VWDE: variants seen among roughly 807,000 people sequenced by gnomAD.
The protein encoded by VWDE is von Willebrand factor D and EGF domains.
In VWDE, 207 loss-of-function variants were observed where a neutral mutation model predicts 178.4. The ratio of observed to expected loss-of-function variants is 1.16; its 90% confidence interval spans 1.04 to 1.30. The LOEUF is 1.30. Ranked by LOEUF, VWDE falls within the 50% of genes most tolerant of loss-of-function variation. The probability of loss-of-function intolerance (pLI) is 0.00; values close to 1 mark genes in which losing one functional copy is unlikely to be tolerated. For missense variants in VWDE, 2,287 were observed against 1,901.3 expected (o/e 1.20, Z -3.77); for synonymous variants, 738 against 651.4 (o/e 1.13, Z -2.02).
Position 12,393,611 on chromosome 7 carries a change from G to GC in VWDE, c.225dup (p.Pro76AlafsTer6). The GC allele has an allele frequency of 6.5e-7, 1 of 1,548,370 alleles. No homozygotes were observed. The highest frequency in any genetic ancestry group is 8.7e-7 in the Non-Finnish European group (1 of 1,145,406). The stretch of plus-strand genomic sequence containing the variant: ...TGACATACCTCAACACATTTGGTTG[G>GC]CATCTCGGCAGGTCTGTCAAGGATG... On this transcript the variant is annotated frameshift_variant, in exon 2 of 29. Transcript: ENST00000275358. LOFTEE classifies it high-confidence loss of function.
rs561323610 is a variant in VWDE at position 12,371,928 on chromosome 7, A to AT, written c.1587+1048dup. 5.3e-5 allele frequency among the ~76,000 whole-genome samples: 8 copies of AT among 151,276 alleles called. No individual in the cohort carries two copies. The South Asian group carries it at 8.3e-4, about 16-fold the overall frequency. ...ACTGGGGGTATGCACATCCTTAACT[A>AT]TTTTTTTTTACAATAAATTTCCAGA... On this transcript the variant is annotated intron_variant, in intron 10 of 28. Transcript: ENST00000275358.
Position 12,337,326 on chromosome 7 carries a change from A to T in VWDE, c.4367-54T>A, listed in dbSNP as rs1781099504. On this transcript the variant is annotated intron_variant, in intron 24 of 28. Coordinates refer to ENST00000275358, the MANE Select transcript of VWDE (RefSeq NM_001135924.3). The stretch of plus-strand genomic sequence containing the variant: ...AATATTACACATCCCATTACTACAT[A>T]TGATACATTGCATCATGTGCTTGTC... The T allele has an allele frequency of 2.9e-6, 4 of 1,382,606 alleles. No individual in the cohort carries two copies. The East Asian group carries it at 1.0e-4, about 34-fold the overall frequency. 85.6% of individuals were successfully genotyped at this position (1,382,606 alleles called of 1,614,324 possible).
At chr7:12,364,095 A>G (rs77355601) in intron 13 of VWDE, among the ~76,000 whole-genome samples, 17,289 of 152,076 alleles carry the variant, frequency 0.11, 1,290 homozygotes, top group East Asian at 0.3. Context: ...TAAAGAAAAG[A>G]GTTACAAATA....
intron 21 of VWDE, among the ~76,000 whole-genome samples, 183 bp from the exon 22 acceptor site, chr7:12,343,361 A>C (rs980428367): frequency 6.6e-6 from 1 of 152,198 alleles, no homozygotes; most frequent in East Asian, 1.9e-4. Flanking sequence ...AAACACTTAC[A>C]AATCAACAGC....
rs1415420934 is a variant in VWDE, at chr7:12,370,058, A to C, written c.2248T>G (p.Trp750Gly). The C allele has an allele frequency of 3.9e-6, 6 of 1,551,522 alleles. No individual in the cohort carries two copies. Among genetic ancestry groups the C allele is most frequent in the Non-Finnish European group, 5.2e-6 (6 of 1,146,892 alleles). ...QEMRYNRQNR[W>G]KRQNFHEFPP... ...AACTCATGAAAGTTCTGCCGTTTCC[A>C]TCTGTTTTGTCGATTGTACCTCATT... Residue 750 changes from tryptophan (W) to glycine (G), a missense_variant, in exon 12 of 29, where the codon TGG becomes GGG. Trp to Gly is a radical substitution (Grantham distance 184). Transcript: ENST00000275358.
chr7:12,368,653 G>A (rs1417880784), intron 12 of VWDE, among the ~76,000 whole-genome samples: 3 of 152,150 alleles, frequency 2.0e-5, no homozygotes, highest in African/African-American at 7.2e-5. Context: ...TACTCTGAAG[G>A]AGATGGAGAG....
At chr7:12,356,752 A>G (rs879296867) in intron 17 of VWDE, among the ~76,000 whole-genome samples, 3 of 152,234 alleles carry the variant, frequency 2.0e-5, no homozygotes, top group Admixed American at 6.5e-5. Flanking sequence ...TCAGTGTAAA[A>G]GCGTGTTCCA....
rs1888 is a variant in VWDE at position 12,377,635 on chromosome 7, G to C, written c.1024+141C>G. On this transcript the variant is annotated intron_variant, in intron 7 of 28. Transcript: ENST00000275358. ...CAATCGTCAGTTTGGCCGAGTATTAGTAATATGATTGGGCTAAAATTTGAT... is the reference window on the plus strand; with the variant it reads ...CAATCGTCAGTTTGGCCGAGTATTACTAATATGATTGGGCTAAAATTTGAT... 4.5e-3 allele frequency: 2,020 copies of C among 451,486 alleles called. 37 individuals are homozygous for C. Among genetic ancestry groups the C allele is most frequent in the African/African-American group, 0.036 (1,781 of 49,410 alleles). 28.0% of individuals were successfully genotyped at this position (451,486 alleles called of 1,614,324 possible).
Position 12,383,195 on chromosome 7 carries a change from T to C in VWDE, c.541+341A>G, listed in dbSNP as rs113084314. 8.7e-3 allele frequency among the ~76,000 whole-genome samples: 1,321 copies of C among 152,184 alleles called. 18 individuals are homozygous for C. The highest frequency in any genetic ancestry group is 0.027 in the African/African-American group (1,102 of 41,554). On this transcript the variant is annotated intron_variant, in intron 4 of 28. Transcript: ENST00000275358. ...GACAAATTCTGTTATAAATATTGTG[T>C]TCGCACACTTCCCTAAATAGTTCTC... is the stretch of plus-strand genomic sequence containing the variant.
chr7:12,367,290 A>T, intron 13 of VWDE, 67 bp downstream of exon 13: 1 of 1,290,006 alleles, frequency 7.8e-7, no homozygotes. Flanking sequence ...GACCGAATTA[A>T]TCCAAGATAA....
rs944110380 is a variant in VWDE at position 12,370,264 on chromosome 7, A to C, written c.2042T>G (p.Ile681Arg). The change falls in exon 12 of 29, where the codon ATA (isoleucine) becomes AGA (arginine). Residue 681 changes from isoleucine to arginine, a missense_variant. By Grantham distance (97) the Ile-to-Arg change is moderately conservative. Transcript: ENST00000275358. Reference protein sequence around the residue: ...YINSDTLVREINKHTSPEEYN... With the variant: ...YINSDTLVRERNKHTSPEEYN... ...TTCTTCTGGAGATGTATGCTTGTTT[A>C]TCTCTCTGACAAGAGTGTCTGAATT... 6 of 1,550,868 alleles carry C rather than the reference A, an allele frequency of 3.9e-6. No homozygotes were observed. The highest frequency in any genetic ancestry group is 1.4e-5 in the African/African-American group (1 of 72,996).
At chr7:12,343,011 C>T (rs1440030) in intron 22 of VWDE, 72 bp downstream of exon 22, 676,514 of 1,123,004 alleles carry the variant, frequency 0.6, 207,764 homozygotes, top group African/African-American at 0.9. Flanking sequence ...GTTCATTTCA[C>T]GTAGCATTAA....
chr7:12,362,962 CA>C lies in VWDE; in HGVS notation c.2899-1442del, dbSNP rs1431526225. ...TGACTGGCAATATAGAGATTATTCC[CA>C]ACTTTCTATTTCAAGGGGCCTACCC... On this transcript the variant is annotated intron_variant, in intron 13 of 28. Coordinates refer to ENST00000275358, the MANE Select transcript of VWDE (RefSeq NM_001135924.3). Among the ~76,000 whole-genome samples, 5 of 152,114 alleles carry C rather than the reference CA, an allele frequency of 3.3e-5. No individual in the cohort carries two copies. In the East Asian group the frequency reaches 9.7e-4, roughly 29 times the overall value.
Position 12,359,656 on chromosome 7 carries a change from C to T in VWDE, c.3196G>A (p.Glu1066Lys). ...VCIIDGLCYV[E>K]GDKNPTSPCL... Reference sequence around the variant, plus strand: ...GGGCTGGTTGGATTTTTGTCTCCTTCAACATAGCAGAGTCCATCAATAATG... The same window carrying T: ...GGGCTGGTTGGATTTTTGTCTCCTTTAACATAGCAGAGTCCATCAATAATG... Residue 1066 changes from glutamate (E) to lysine (K), a missense_variant, in exon 16 of 29, where the codon GAA (glutamate) becomes AAA (lysine). Glu to Lys is a moderately conservative substitution (Grantham distance 56). Transcript: ENST00000275358. 2 of 1,549,704 alleles carry T rather than the reference C, an allele frequency of 1.3e-6. No homozygotes were observed. Among genetic ancestry groups the T allele is most frequent in the Admixed American group, 2.0e-5 (1 of 50,884 alleles).
intron 3 of VWDE, among the ~76,000 whole-genome samples, chr7:12,385,412 G>A (rs151314419): frequency 2.0e-5 from 3 of 152,154 alleles, no homozygotes; most frequent in African/African-American, 7.2e-5. Flanking sequence ...TGATAAGAAG[G>A]CTTTTTCCAA....
chr7:12,397,781 C>T (rs1784697624), intron 1 of VWDE, among the ~76,000 whole-genome samples: 1 of 152,090 alleles, frequency 6.6e-6, no homozygotes, highest in African/African-American at 2.4e-5. Context: ...CAAAAGATGA[C>T]ATACAAATGG....
intron 1 of VWDE, among the ~76,000 whole-genome samples, chr7:12,397,086 G>C (rs1359451836): frequency 6.6e-6 from 1 of 151,092 alleles, no homozygotes; most frequent in Non-Finnish European, 1.5e-5. Flanking sequence ...AATTCATATA[G>C]AGCCAAAAAA....
At position 12,370,070 on chromosome 7, in the gene VWDE, G is replaced by A. The variant is rs561652728; in HGVS notation, c.2236C>T (p.Arg746Ter). The change falls in exon 12 of 29, where the codon CGA becomes TGA. Residue 746 changes from arginine (R) to a stop codon, truncating the protein, a stop_gained. Transcript: ENST00000275358. LOFTEE classifies it high-confidence loss of function. ...TTCTGCCGTTTCCATCTGTTTTGTC[G>A]ATTGTACCTCATTTCTTGGCTGTGG... Reference protein sequence around the residue: ...GSHSQEMRYNRQNRWKRQNFH... With the variant: ...GSHSQEMRYN The A allele has an allele frequency of 2.8e-4, 440 of 1,551,500 alleles. 9 individuals carry two copies. The South Asian group carries it at 4.7e-3, about 17-fold the overall frequency.
In VWDE at chr7:12,367,551, CTAAT is replaced by C. The variant is rs1013510859; in HGVS notation, c.2762-62_2762-59del. The C allele has an allele frequency of 6.5e-5, 82 of 1,262,358 alleles. 1 individual carries two copies. In the African/African-American group the frequency reaches 1.1e-3, roughly 16 times the overall value. 78.2% of individuals were successfully genotyped at this position (1,262,358 alleles called of 1,614,324 possible). On this transcript the variant is annotated intron_variant, in intron 12 of 28. Coordinates refer to ENST00000275358, the MANE Select transcript of VWDE (RefSeq NM_001135924.3). ...TTTTACTTAATTTCAGAAAAAAAAA[CTAAT>C]TATTTCCAAGCCCCAAATTAAAAGC...
Sources: gnomAD v4.1 joint callset for allele counts (sites outside exome capture counted in the v4.1 genomes callset) on GRCh38, gnomAD v4.1.1 for gene constraint, MANE v1.5 for transcripts, NCBI Gene and HGNC (gene_info 2026-07-23, HGNC 2026-07-21) for gene names.